Variants in KDM4B observed in about 807,000 individuals in gnomAD.
The protein encoded by KDM4B is lysine demethylase 4B.
KDM4B carries 32 observed loss-of-function variants against 125.2 expected under a neutral mutation model. That is an observed-to-expected ratio of 0.26 (90% confidence interval 0.19 to 0.34). The LOEUF is 0.34. Among genes scored for constraint, KDM4B ranks in the 10% least tolerant of loss-of-function variants. The pLI is 1.00. For missense variants in KDM4B, 1,190 were observed against 1,577.7 expected (o/e 0.75, Z 4.16); for synonymous variants, 721 against 677.9 (o/e 1.06, Z -0.99).
chr19:5,042,796 C>T (rs544378025), intron 5 of KDM4B, among the ~76,000 whole-genome samples: 268 of 151,810 alleles, frequency 1.8e-3, no homozygotes, highest in Non-Finnish European at 3.2e-3. Context: ...AATCCACCCA[C>T]GGTGCAGCCA....
In KDM4B at chr19:5,145,964, C is replaced by T. The variant is rs182337549; in HGVS notation, c.3021+1062C>T. On this transcript the variant is annotated intron_variant, in intron 21 of 22. Coordinates refer to ENST00000159111, the MANE Select transcript of KDM4B (RefSeq NM_015015.3). Reference sequence around the variant, plus strand: ...CCGAGGCCGCATTAAGGAAAGGTCCCGCCCGCATCTCCCGCCAGACCTGAA... The same window carrying T: ...CCGAGGCCGCATTAAGGAAAGGTCCTGCCCGCATCTCCCGCCAGACCTGAA... 1.5e-3 allele frequency among the ~76,000 whole-genome samples: 227 copies of T among 152,364 alleles called. 1 individual carries two copies. Among genetic ancestry groups the T allele is most frequent in the African/African-American group, 5.0e-3 (206 of 41,590 alleles).
rs1236370127 is a variant in KDM4B, at chr19:5,131,123, A to G, written c.1363A>G (p.Lys455Glu). 1 of 1,528,238 alleles carries G rather than the reference A, an allele frequency of 6.5e-7. No homozygotes were observed. The highest frequency in any genetic ancestry group is 1.4e-5 in the African/African-American group (1 of 72,296). The allele number at this position is 1,528,238 out of a possible 1,614,324, so 94.7% of individuals were successfully genotyped here. Reference sequence around the variant, plus strand: ...GCCAACCAAGGCCAAGAGCGAGCGGAAGAAGAAGAGCTTCGGCCTGCTGCC... The same window carrying G: ...GCCAACCAAGGCCAAGAGCGAGCGGGAGAAGAAGAGCTTCGGCCTGCTGCC... Reference protein sequence around the residue: ...LRPTKAKSERKKKSFGLLPPQ... With the variant: ...LRPTKAKSEREKKSFGLLPPQ... The change falls in exon 12 of 23, where the codon AAG becomes GAG. Residue 455 changes from lysine to glutamate, a missense_variant. Lys to Glu is a moderately conservative substitution (Grantham distance 56). Coordinates refer to ENST00000159111, the MANE Select transcript of KDM4B (RefSeq NM_015015.3).
At chr19:5,149,733 G>A (rs1382029016) in intron 21 of KDM4B, among the ~76,000 whole-genome samples, 2 of 152,236 alleles carry the variant, frequency 1.3e-5, no homozygotes, top group Non-Finnish European at 2.9e-5. Context: ...GAGGAAGCGG[G>A]GTGCTCCCAG....
intron 22 of KDM4B, 109 bp from the exon 23 acceptor site, chr19:5,151,226 C>A: frequency 1.0e-6 from 1 of 974,252 alleles, no homozygotes; most frequent in Non-Finnish European, 1.4e-6. Flanking sequence ...GCCCCCACAG[C>A]AATCAGGGCT....
intron 9 of KDM4B, among the ~76,000 whole-genome samples, chr19:5,093,942 G>A (rs574765409): frequency 6.6e-6 from 1 of 152,358 alleles, no homozygotes; most frequent in African/African-American, 2.4e-5. Flanking sequence ...CACAGCCCAG[G>A]CAGCTGAAAG....
Position 5,144,913 on chromosome 19 carries a change from G to T in KDM4B, c.3021+11G>T. On this transcript the variant is annotated intron_variant, in intron 21 of 22. Transcript: ENST00000159111. ...AGCCACATCTACCAGGTAAGCGGGGGATCTGGCAGCCGCGCCATGCCTTCA... is the reference window on the plus strand; with the variant it reads ...AGCCACATCTACCAGGTAAGCGGGGTATCTGGCAGCCGCGCCATGCCTTCA... 3 of 1,612,994 alleles carry T rather than the reference G, an allele frequency of 1.9e-6. No homozygotes were observed. Among genetic ancestry groups the T allele is most frequent in the Non-Finnish European group, 8.5e-7 (1 of 1,179,700 alleles).
At chr19:5,000,297 C>T (rs543708237) in intron 1 of KDM4B, among the ~76,000 whole-genome samples, 5 of 148,694 alleles carry the variant, frequency 3.4e-5, no homozygotes, top group South Asian at 2.2e-4. Flanking sequence ...ATTCATTCAC[C>T]GATCCATCTG....
chr19:5,059,848 G>A (rs1229578857), intron 6 of KDM4B, among the ~76,000 whole-genome samples: 1 of 152,210 alleles, frequency 6.6e-6, no homozygotes, highest in African/African-American at 2.4e-5. Flanking sequence ...TCCAGACGAC[G>A]TTCTGCACAC....
At chr19:5,042,864 A>G (rs566842735) in intron 5 of KDM4B, among the ~76,000 whole-genome samples, 17 of 151,736 alleles carry the variant, frequency 1.1e-4, no homozygotes, top group African/African-American at 3.6e-4. Context: ...ACTCAAGTCT[A>G]AACACAAAAT....
At position 4,997,738 on chromosome 19, in the gene KDM4B, G is replaced by A. The variant is rs2035247943; in HGVS notation, c.-108-18519G>A. ...GGCACTCAGAGTCATGCCTGCATGG[G>A]GGCTCCAGGACCTCGTCATCAGCCT... On this transcript the variant is annotated intron_variant, in intron 1 of 22. Transcript: ENST00000159111. This position sits in a 1 kb window ranked among gnomAD's most constrained non-coding sequence, Gnocchi z 4.2. Among the ~76,000 whole-genome samples the A allele has an allele frequency of 1.3e-5, 2 of 152,340 alleles. No individual in the cohort carries two copies. Among genetic ancestry groups the A allele is most frequent in the South Asian group, 4.1e-4 (2 of 4,828 alleles).
chr19:5,103,778 G>A (rs1443984702), intron 9 of KDM4B, among the ~76,000 whole-genome samples: 1 of 152,228 alleles, frequency 6.6e-6, no homozygotes, highest in Non-Finnish European at 1.5e-5. Flanking sequence ...AGGATGGAGG[G>A]AACAGCCCCG....
intron 3 of KDM4B, among the ~76,000 whole-genome samples, chr19:5,039,322 G>A (rs1478496103): frequency 6.6e-6 from 1 of 152,292 alleles, no homozygotes; most frequent in East Asian, 1.9e-4. Context: ...GGGCATGGTG[G>A]TGCAAGTCTG....
chr19:4,996,798 C>A (rs1315820376), intron 1 of KDM4B, among the ~76,000 whole-genome samples: 2 of 152,018 alleles, frequency 1.3e-5, no homozygotes, highest in African/African-American at 4.8e-5. Flanking sequence ...TTTTTCTTGA[C>A]TTAAAAACAA....
chr19:5,054,361 G>A (rs1233732120), intron 6 of KDM4B, among the ~76,000 whole-genome samples: 2 of 152,224 alleles, frequency 1.3e-5, no homozygotes, highest in African/African-American at 4.8e-5. Flanking sequence ...GATTGCAGGT[G>A]TGAGCCCAAC....
chr19:5,132,718 C>T (rs1322417928), intron 13 of KDM4B, among the ~76,000 whole-genome samples: 1 of 135,732 alleles, frequency 7.4e-6, no homozygotes, highest in Non-Finnish European at 1.6e-5. Context: ...TCCGTGGACT[C>T]CCCCACTCCC....
chr19:5,095,999 A>G (rs1016670071), intron 9 of KDM4B, among the ~76,000 whole-genome samples: 7 of 151,490 alleles, frequency 4.6e-5, no homozygotes, highest in African/African-American at 1.7e-4. Flanking sequence ...CTTCACAGGG[A>G]GCTTGTTTTA....
intron 1 of KDM4B, among the ~76,000 whole-genome samples, chr19:5,004,061 G>A (rs773213020): frequency 6.6e-6 from 1 of 152,166 alleles, no homozygotes; most frequent in African/African-American, 2.4e-5. Flanking sequence ...GTGTACTTTG[G>A]TACACAAATG....
At chr19:5,149,846 C>T (rs545632033) in intron 21 of KDM4B, among the ~76,000 whole-genome samples, 268 of 152,350 alleles carry the variant, frequency 1.8e-3, no homozygotes, top group Middle Eastern at 3.4e-3. Context: ...GGTGACTGAG[C>T]TGTTTTCAGA....
chr19:5,110,595 G>C (rs1223992502), intron 9 of KDM4B, 27 bp from the exon 10 acceptor site: 1 of 1,611,610 alleles, frequency 6.2e-7, no homozygotes, highest in Non-Finnish European at 8.5e-7. Context: ...TGTGGCGCGA[G>C]GGCTCAGACC....
Sources: allele counts gnomAD v4.1 joint callset (sites outside exome capture counted in the v4.1 genomes callset), GRCh38; gene constraint gnomAD v4.1.1; non-coding constraint Gnocchi (gnomAD v3.1); transcripts MANE v1.5; gene names NCBI Gene and HGNC (gene_info 2026-07-23, HGNC 2026-07-21).